Variants in UGGT2 observed in about 807,000 individuals in gnomAD.
UGGT2 encodes the protein UDP-glucose glycoprotein glucosyltransferase 2.
A neutral mutation model predicts 192.1 loss-of-function variants in UGGT2; 180 were observed. The observed-to-expected ratio is 0.94, with a 90% confidence interval of 0.83 to 1.06. UGGT2 has a LOEUF of 1.06. Among genes scored for constraint, UGGT2 ranks in the 50% least tolerant of loss-of-function variants. The probability of loss-of-function intolerance (pLI) is 0.00; values close to 1 mark genes in which losing one functional copy is unlikely to be tolerated. For missense variants in UGGT2, 1,849 were observed against 1,795.7 expected (o/e 1.03, Z -0.54); for synonymous variants, 580 against 591.0 (o/e 0.98, Z 0.27).
Position 95,807,716 on chromosome 13 carries a change from C to CTTTTTTTTT in UGGT2, c.4529-5913_4529-5905dup. Among the ~76,000 whole-genome samples, 10 of 78,702 alleles carry CTTTTTTTTT rather than the reference C, an allele frequency of 1.3e-4. 1 individual carries two copies. The highest frequency in any genetic ancestry group is 1.8e-4 in the Non-Finnish European group (7 of 39,052). 51.6% of individuals were successfully genotyped at this position (78,702 alleles called of 152,430 possible). On this transcript the variant is annotated intron_variant, in intron 38 of 38. Transcript: ENST00000376747. ...GTATCTTGAAACCCTCAGCCCTCAC[C>CTTTTTTTTT]TTTTTTTTTTTTTTTTTTTGCCGTA...
intron 10 of UGGT2, among the ~76,000 whole-genome samples, chr13:95,977,829 T>C (rs2050987096): frequency 6.6e-6 from 1 of 152,198 alleles, no homozygotes; most frequent in Non-Finnish European, 1.5e-5. Context: ...AAAGAAAATG[T>C]GGCACATGTA....
intron 10 of UGGT2, among the ~76,000 whole-genome samples, chr13:95,976,394 T>A (rs1403285350): frequency 6.6e-6 from 1 of 152,198 alleles, no homozygotes; most frequent in South Asian, 2.1e-4. Flanking sequence ...AGTGCAGATA[T>A]CTCTTTGATA....
chr13:95,801,756 C>T lies in UGGT2; in HGVS notation c.*34G>A, dbSNP rs1399688044. On this transcript the variant is annotated 3_prime_UTR_variant, in exon 39 of 39. Transcript: ENST00000376747. ...CCCCAGCAGGCGGCAGGTTTCCTGT[C>T]ATGCTTTCGCCTTCCTTCTCATATA... is the stretch of plus-strand genomic sequence containing the variant. 6.2e-7 allele frequency: 1 copy of T among 1,610,252 alleles called. No homozygotes were observed. The highest frequency in any genetic ancestry group is 8.5e-7 in the Non-Finnish European group (1 of 1,178,504).
chr13:96,002,939 T>C (rs930032353), intron 5 of UGGT2, among the ~76,000 whole-genome samples: 1 of 152,150 alleles, frequency 6.6e-6, no homozygotes, highest in Non-Finnish European at 1.5e-5. Context: ...CAGGATGTCT[T>C]GCAATGCTTT....
intron 33 of UGGT2, 67 bp from the exon 34 acceptor site, chr13:95,856,407 AT>A (rs905309285): frequency 5.8e-6 from 9 of 1,538,726 alleles, no homozygotes; most frequent in Admixed American, 4.7e-5. Context: ...AGAGAAAAAA[AT>A]AACATTAAAA....
At chr13:95,868,159 T>C (rs193055666) in intron 29 of UGGT2, among the ~76,000 whole-genome samples, 46 of 152,314 alleles carry the variant, frequency 3.0e-4, no homozygotes, top group African/African-American at 1.1e-3. Context: ...ATACATACTT[T>C]TAACATTTTT....
intron 5 of UGGT2, among the ~76,000 whole-genome samples, chr13:96,007,265 C>G (rs182745694): frequency 1.8e-4 from 28 of 152,030 alleles, no homozygotes; most frequent in African/African-American, 6.7e-4. Context: ...ACAAGTCCCT[C>G]CCCCCCAACA....
chr13:95,990,133 C>A, intron 7 of UGGT2, 60 bp from the exon 8 acceptor site: 2 of 1,073,932 alleles, frequency 1.9e-6, no homozygotes, highest in Non-Finnish European at 2.6e-6. Context: ...ATTATACAAA[C>A]AGCATATTTT....
chr13:95,850,595 G>A (rs1036125020), intron 36 of UGGT2, among the ~76,000 whole-genome samples: 3 of 152,176 alleles, frequency 2.0e-5, no homozygotes, highest in Admixed American at 6.5e-5. Flanking sequence ...GACTGTGTAC[G>A]GGCCCAACAG....
intron 7 of UGGT2, among the ~76,000 whole-genome samples, chr13:95,995,147 A>G (rs1449465118): frequency 6.6e-6 from 1 of 152,098 alleles, no homozygotes; most frequent in African/African-American, 2.4e-5. Context: ...AAGGTTTCAG[A>G]ATTTTTTATA....
Position 96,031,884 on chromosome 13 carries a change from C to A in UGGT2, c.241+5G>T. The A allele has an allele frequency of 6.3e-7, 1 of 1,597,918 alleles. No homozygotes were observed. Among genetic ancestry groups the A allele is most frequent in the African/African-American group, 1.3e-5 (1 of 74,542 alleles). ...CTTACAAGTTAAAATTTACATATCA[C>A]CTACCTGTTTGCTTATAAATTGCTA... On this transcript the variant is annotated splice_donor_5th_base_variant and intron_variant, in intron 2 of 38. Transcript: ENST00000376747.
At chr13:96,049,224 CA>C in intron 1 of UGGT2, among the ~76,000 whole-genome samples, 1 of 152,158 alleles carries the variant, frequency 6.6e-6, no homozygotes, top group Non-Finnish European at 1.5e-5. Flanking sequence ...GAACCAAAGA[CA>C]AAAACCACAT....
chr13:95,909,662 T>G (rs1422935832), intron 20 of UGGT2, among the ~76,000 whole-genome samples: 7 of 134,192 alleles, frequency 5.2e-5, no homozygotes, highest in South Asian at 2.4e-4. Flanking sequence ...AGATGACGAG[T>G]TAGTGGGTGC....
intron 10 of UGGT2, among the ~76,000 whole-genome samples, chr13:95,976,133 C>A (rs377111312): frequency 3.9e-5 from 6 of 152,276 alleles, no homozygotes; most frequent in Admixed American, 2.0e-4. Context: ...CTACTCTCTA[C>A]CTCCATGAGA....
At chr13:95,961,087 A>T (rs937855303) in intron 12 of UGGT2, among the ~76,000 whole-genome samples, 7 of 152,176 alleles carry the variant, frequency 4.6e-5, no homozygotes, top group Non-Finnish European at 8.8e-5. Context: ...CTGAAACATA[A>T]ATACCACTGG....
In UGGT2 at chr13:95,900,846, T is replaced by C. The variant is rs774982617; in HGVS notation, c.2595A>G (p.Lys865=). The change falls in exon 22 of 39, where the codon AAA becomes AAG. Residue 865 remains lysine, a synonymous_variant. Transcript: ENST00000376747. ...CAATACCCATTTCTCCAGGACGTAA[T>C]TTAAGTACATCTTGACAGAACAACT... ...THQLFCQDVL[K]LRPGEMGIVS... 6.2e-7 allele frequency: 1 copy of C among 1,611,762 alleles called. No individual in the cohort carries two copies.
At chr13:95,837,463 C>T (rs1887422652) in intron 36 of UGGT2, among the ~76,000 whole-genome samples, 2 of 152,160 alleles carry the variant, frequency 1.3e-5, no homozygotes, top group African/African-American at 4.8e-5. Flanking sequence ...GGCATAGAAA[C>T]CTACCATTCA....
chr13:95,835,737 CTTA>C (rs763237064), intron 37 of UGGT2, among the ~76,000 whole-genome samples: 8 of 152,070 alleles, frequency 5.3e-5, no homozygotes, highest in South Asian at 2.1e-4. Flanking sequence ...AGGAAAAAAA[CTTA>C]TTATACCTAC....
chr13:95,911,886 C>A (rs925692972), intron 20 of UGGT2, among the ~76,000 whole-genome samples: 4 of 152,146 alleles, frequency 2.6e-5, no homozygotes, highest in African/African-American at 9.7e-5. Flanking sequence ...AGCTTATCCA[C>A]CATGATCAAG....
Sources: allele counts gnomAD v4.1 joint callset (sites outside exome capture counted in the v4.1 genomes callset), GRCh38; gene constraint gnomAD v4.1.1; transcripts MANE v1.5; gene names NCBI Gene and HGNC (gene_info 2026-07-23, HGNC 2026-07-21).